The following CRTAC1 variants were observed in gnomAD, a reference collection of about 807,000 sequenced individuals.
CRTAC1 encodes the protein acidic secreted protein in cartilage.
A neutral mutation model predicts 67.8 loss-of-function variants in CRTAC1; 37 were observed. The ratio of observed to expected loss-of-function variants is 0.55; its 90% CI spans 0.42 to 0.72. CRTAC1 has a LOEUF of 0.72. Among genes scored for constraint, CRTAC1 ranks in the 30% least tolerant of loss-of-function variants. The pLI is 0.00. For missense variants in CRTAC1, 780 were observed against 931.6 expected (o/e 0.84, Z 2.12); for synonymous variants, 348 against 371.0 (o/e 0.94, Z 0.71).
intron 2 of CRTAC1, among the ~76,000 whole-genome samples, chr10:98,006,718 A>C (rs1460306608): frequency 6.6e-6 from 1 of 152,238 alleles, no homozygotes; most frequent in African/African-American, 2.4e-5. Context: ...GACAAGTTCA[A>C]GTACGGAGCG....
chr10:97,941,828 A>G (rs2051181833), intron 2 of CRTAC1, among the ~76,000 whole-genome samples: 1 of 152,152 alleles, frequency 6.6e-6, no homozygotes, highest in Non-Finnish European at 1.5e-5. Flanking sequence ...CATAAATCAG[A>G]TCATAGCTAA....
intron 2 of CRTAC1, among the ~76,000 whole-genome samples, chr10:97,997,443 C>G (rs1590276225): frequency 8.4e-6 from 1 of 119,140 alleles, no homozygotes; most frequent in African/African-American, 3.4e-5. Context: ...CAGAGGGAGA[C>G]TCTGTCTCAA....
chr10:97,959,115 C>G (rs2051484643), intron 2 of CRTAC1, among the ~76,000 whole-genome samples: 1 of 152,154 alleles, frequency 6.6e-6, no homozygotes. Context: ...CTGTGAGTTA[C>G]CAGTAATAAG....
In CRTAC1 at chr10:97,975,576, G is replaced by A. The variant is rs1466836788; in HGVS notation, c.224+35562C>T. Among the ~76,000 whole-genome samples, 2 of 152,162 alleles carry A rather than the reference G, an allele frequency of 1.3e-5. No homozygotes were observed. The highest frequency in any genetic ancestry group is 4.8e-5 in the African/African-American group (2 of 41,440). On this transcript the variant is annotated intron_variant, in intron 2 of 14. Coordinates refer to ENST00000370597, the MANE Select transcript of CRTAC1 (RefSeq NM_018058.7). This position sits in a 1 kb window ranked among gnomAD's most constrained non-coding sequence, Gnocchi z 4.8. ...ATGGAGTCACCTTTTCCTAAAGGAC[G>A]TGGGGCACCATTTCTGTTACAACTG...
intron 3 of CRTAC1, among the ~76,000 whole-genome samples, chr10:97,926,928 C>T (rs1337413251): frequency 1.3e-5 from 2 of 152,164 alleles, no homozygotes; most frequent in South Asian, 2.1e-4. Flanking sequence ...AGCAAGCAGC[C>T]CTTGCCCATC....
chr10:98,023,330 G>T (rs1352556611), intron 1 of CRTAC1, among the ~76,000 whole-genome samples: 2 of 152,104 alleles, frequency 1.3e-5, no homozygotes, highest in Non-Finnish European at 2.9e-5. Flanking sequence ...ATGGAAGGCG[G>T]GTTTGGAGAT....
At chr10:97,981,934 T>C (rs1173370489) in intron 2 of CRTAC1, among the ~76,000 whole-genome samples, 2 of 152,240 alleles carry the variant, frequency 1.3e-5, no homozygotes, top group African/African-American at 2.4e-5. Context: ...TGTGAATTAC[T>C]GGTTATGATT....
intron 2 of CRTAC1, among the ~76,000 whole-genome samples, chr10:97,958,420 C>CCATA (rs2051474037): frequency 6.6e-6 from 1 of 152,292 alleles, no homozygotes; most frequent in East Asian, 1.9e-4. Context: ...CTGCCCTGAC[C>CCATA]CATACCCTAA....
At chr10:98,002,607 C>T (rs980722161) in intron 2 of CRTAC1, among the ~76,000 whole-genome samples, 6 of 152,080 alleles carry the variant, frequency 3.9e-5, no homozygotes, top group African/African-American at 1.4e-4. Context: ...GTTTGTCCCA[C>T]CAAAGACAGT....
At chr10:97,930,533 G>T (rs1390026754) in intron 3 of CRTAC1, among the ~76,000 whole-genome samples, 3 of 152,208 alleles carry the variant, frequency 2.0e-5, no homozygotes, top group Non-Finnish European at 4.4e-5. Context: ...TGGAGGTCTG[G>T]TGTGGGGCCT....
At chr10:97,884,113 G>T in intron 12 of CRTAC1, 93 bp downstream of exon 12, 1 of 1,425,292 alleles carries the variant, frequency 7.0e-7, no homozygotes, top group Non-Finnish European at 9.5e-7. Context: ...TCTAGAGGCT[G>T]AGTTTGCAGA....
At chr10:98,014,463 A>G (rs1437506048) in intron 1 of CRTAC1, among the ~76,000 whole-genome samples, 2 of 152,218 alleles carry the variant, frequency 1.3e-5, no homozygotes, top group Non-Finnish European at 2.9e-5. Flanking sequence ...TAGCTAAAAC[A>G]GACTGCATGA....
chr10:97,991,428 A>AAATAAATG (rs1178657921), intron 2 of CRTAC1, among the ~76,000 whole-genome samples: 1 of 150,710 alleles, frequency 6.6e-6, no homozygotes, highest in African/African-American at 2.4e-5. Flanking sequence ...AATAATAAAT[A>AAATAAATG]AATAAATAAA....
chr10:98,013,275 G>A (rs1842941495), intron 1 of CRTAC1, among the ~76,000 whole-genome samples: 2 of 152,158 alleles, frequency 1.3e-5, no homozygotes. Context: ...ATGTCTTTTC[G>A]AAGCTAGTTA....
intron 13 of CRTAC1, 24 bp downstream of exon 13, chr10:97,882,762 C>T: frequency 6.2e-7 from 1 of 1,613,592 alleles, no homozygotes; most frequent in Non-Finnish European, 8.5e-7. Context: ...CTACCCCATG[C>T]CCTGGTGACT....
intron 2 of CRTAC1, among the ~76,000 whole-genome samples, chr10:97,959,348 C>G (rs967914665): frequency 6.6e-6 from 1 of 152,220 alleles, no homozygotes; most frequent in Non-Finnish European, 1.5e-5. Context: ...ACACACCTGA[C>G]AGCAACAACT....
intron 11 of CRTAC1, among the ~76,000 whole-genome samples, chr10:97,890,524 A>G (rs188063771): frequency 1.2e-3 from 181 of 152,330 alleles, no homozygotes; most frequent in Non-Finnish European, 2.2e-3. Flanking sequence ...GTTCCTGTGT[A>G]TATGACACGT....
chr10:97,906,257 C>T (rs2050610532), intron 6 of CRTAC1, among the ~76,000 whole-genome samples: 1 of 152,146 alleles, frequency 6.6e-6, no homozygotes, highest in South Asian at 2.1e-4. Context: ...AGGATTAATA[C>T]TCCATTAATT....
intron 8 of CRTAC1, among the ~76,000 whole-genome samples, chr10:97,901,194 T>G (rs1254894581): frequency 6.6e-6 from 1 of 151,942 alleles, no homozygotes; most frequent in Non-Finnish European, 1.5e-5. Flanking sequence ...AGCCCCTTTT[T>G]GTGGTAGTGT....
Sources: allele counts gnomAD v4.1 joint callset (sites outside exome capture counted in the v4.1 genomes callset), GRCh38; gene constraint gnomAD v4.1.1; non-coding constraint Gnocchi (gnomAD v3.1); transcripts MANE v1.5; gene names NCBI Gene and HGNC (gene_info 2026-07-23, HGNC 2026-07-21).